The following FSTL4 variants were observed in gnomAD, a reference collection of about 807,000 sequenced individuals.
FSTL4 encodes follistatin-related protein 4.
Under a neutral mutation model 78.2 loss-of-function variants are expected in FSTL4, and 28 were observed. The observed-to-expected ratio is 0.36, with a 90% confidence interval of 0.27 to 0.49. FSTL4 has a LOEUF of 0.49. Ranked by LOEUF, FSTL4 falls within the 20% of genes least tolerant of loss-of-function variation. FSTL4 has a pLI of 0.98. For synonymous variants in FSTL4, 422 were observed against 440.5 expected (o/e 0.96, Z 0.53); for missense variants, 922 against 1,084.9 (o/e 0.85, Z 2.11).
In FSTL4 at chr5:133,464,626, A is replaced by AG. The variant is rs371038070; in HGVS notation, c.161-63641dup. Among the ~76,000 whole-genome samples the AG allele has an allele frequency of 4.7e-3, 709 of 152,186 alleles. 2 individuals carry two copies. The highest frequency in any genetic ancestry group is 6.0e-3 in the Non-Finnish European group (408 of 67,996). On this transcript the variant is annotated intron_variant, in intron 3 of 15. Coordinates refer to ENST00000265342, the MANE Select transcript of FSTL4 (RefSeq NM_015082.2). The stretch of plus-strand genomic sequence containing the variant: ...TCATACTCCTACCTTCCCCCCATGG[A>AG]GGGGAGAGGTGCAGGTCAGCCATGA...
chr5:133,707,722 T>C, the FSTL4 span, among the ~76,000 whole-genome samples: 1 of 151,994 alleles, frequency 6.6e-6, no homozygotes, highest in South Asian at 2.1e-4. Context: ...CTGGTAAAGT[T>C]TGTAAGGCCC....
rs150639310 is a variant in FSTL4, at chr5:133,360,812, C to A, written c.409+39926G>T. Among the ~76,000 whole-genome samples, 1,130 of 152,280 alleles carry A rather than the reference C, an allele frequency of 7.4e-3. 5 individuals are homozygous for A. The highest frequency in any genetic ancestry group is 0.015 in the South Asian group (74 of 4,826). On this transcript the variant is annotated intron_variant, in intron 4 of 15. Coordinates refer to ENST00000265342, the MANE Select transcript of FSTL4 (RefSeq NM_015082.2). ...AAGTTCCAGAGTAATTGAAAAGCCT[C>A]TTCGTCTCTTCTGAGATGGCGCGTC...
intron 15 of FSTL4, among the ~76,000 whole-genome samples, chr5:133,200,247 TTC>T (rs1750277504): frequency 6.6e-6 from 1 of 152,236 alleles, no homozygotes; most frequent in Non-Finnish European, 1.5e-5. Flanking sequence ...CCTTGCTGTT[TTC>T]TAGACTAACT....
the FSTL4 span, among the ~76,000 whole-genome samples, chr5:133,739,302 T>A: frequency 6.7e-6 from 1 of 149,054 alleles, no homozygotes; most frequent in East Asian, 2.0e-4. Flanking sequence ...TTTTTTTTTT[T>A]AACACTAAGT....
chr5:133,466,411 A>G lies in FSTL4; in HGVS notation c.161-65425T>C, dbSNP rs377355879. Among the ~76,000 whole-genome samples the G allele has an allele frequency of 9.3e-3, 1,414 of 152,136 alleles. 12 individuals are homozygous for G. The highest frequency in any genetic ancestry group is 0.03 in the African/African-American group (1,225 of 41,500). ...CAAAAAATTAGCCGGGTGCGGTGGCAGGCGCCTGTAGTCCCAGCTACTCGG... is the reference window on the plus strand; with the variant it reads ...CAAAAAATTAGCCGGGTGCGGTGGCGGGCGCCTGTAGTCCCAGCTACTCGG... On this transcript the variant is annotated intron_variant, in intron 3 of 15. Transcript: ENST00000265342.
chr5:133,624,913 T>C, the FSTL4 span, among the ~76,000 whole-genome samples: 2 of 151,786 alleles, frequency 1.3e-5, no homozygotes, highest in Non-Finnish European at 3.0e-5. Context: ...CTATGTTGAG[T>C]ATGTCTCTTC....
intron 1 of FSTL4, among the ~76,000 whole-genome samples, chr5:133,609,535 G>T (rs1260970465): frequency 6.6e-6 from 1 of 152,198 alleles, no homozygotes; most frequent in South Asian, 2.1e-4. Context: ...AAGTGGTACA[G>T]ATTTCCTAAG....
chr5:133,491,112 T>C (rs1412021743), intron 3 of FSTL4, among the ~76,000 whole-genome samples: 1 of 152,036 alleles, frequency 6.6e-6, no homozygotes, highest in Non-Finnish European at 1.5e-5. Context: ...AAATAAAAAT[T>C]GGAAAGAAAA....
At chr5:133,411,165 CT>C (rs1289405609) in intron 3 of FSTL4, among the ~76,000 whole-genome samples, 1 of 152,178 alleles carries the variant, frequency 6.6e-6, no homozygotes, top group African/African-American at 2.4e-5. Flanking sequence ...CCACCACTGC[CT>C]TAAGGTACTT....
intron 6 of FSTL4, among the ~76,000 whole-genome samples, chr5:133,270,676 G>A (rs1752748954): frequency 6.6e-6 from 1 of 152,204 alleles, no homozygotes; most frequent in Non-Finnish European, 1.5e-5. Context: ...GCAAGAAAGT[G>A]AGGAATGAGA....
the FSTL4 span, among the ~76,000 whole-genome samples, chr5:133,831,694 G>A: frequency 6.6e-6 from 1 of 152,228 alleles, no homozygotes; most frequent in Non-Finnish European, 1.5e-5. Flanking sequence ...ATGAAGATGT[G>A]CCCTCTGGGG....
At chr5:133,386,623 G>C (rs1755706047) in intron 4 of FSTL4, among the ~76,000 whole-genome samples, 1 of 152,152 alleles carries the variant, frequency 6.6e-6, no homozygotes, top group African/African-American at 2.4e-5. Context: ...CTTTAAAATT[G>C]CTAGGAGAAT....
At chr5:133,650,523 G>A in the FSTL4 span, among the ~76,000 whole-genome samples, 3 of 152,144 alleles carry the variant, frequency 2.0e-5, no homozygotes, top group Non-Finnish European at 2.9e-5. Flanking sequence ...GCACATGGAT[G>A]ACCAGTGGTC....
At chr5:133,221,904 T>TGTTTTTG (rs796432581) in intron 11 of FSTL4, among the ~76,000 whole-genome samples, 2 of 106,178 alleles carry the variant, frequency 1.9e-5, no homozygotes, top group South Asian at 5.8e-4. Context: ...TTTTTTTTTT[T>TGTTTTTG]TTTTTTTTTT....
chr5:133,622,899 A>C, the FSTL4 span, among the ~76,000 whole-genome samples: 1 of 152,012 alleles, frequency 6.6e-6, no homozygotes, highest in African/African-American at 2.4e-5. Context: ...AAAAGTTTTT[A>C]ATTTTGATGC....
intron 3 of FSTL4, among the ~76,000 whole-genome samples, chr5:133,469,188 C>A (rs1757768817): frequency 6.6e-6 from 1 of 152,136 alleles, no homozygotes. Context: ...GTTAGAAAGA[C>A]CCCTCAGGAC....
intron 6 of FSTL4, among the ~76,000 whole-genome samples, chr5:133,307,628 T>C (rs1023034044): frequency 6.6e-6 from 1 of 152,144 alleles, no homozygotes; most frequent in Non-Finnish European, 1.5e-5. Context: ...AATGGAACAC[T>C]GACTGTGAAC....
At chr5:133,750,476 A>T in the FSTL4 span, among the ~76,000 whole-genome samples, 21 of 152,116 alleles carry the variant, frequency 1.4e-4, no homozygotes, top group East Asian at 2.7e-3. Context: ...CAGGCCCCCC[A>T]GGGTGTGGCC....
intron 3 of FSTL4, among the ~76,000 whole-genome samples, chr5:133,534,754 G>A (rs909494947): frequency 2.6e-5 from 4 of 151,780 alleles, no homozygotes; most frequent in South Asian, 2.1e-4. Context: ...TCCCTCACAC[G>A]CCCAGCTGTC....
Sources: gnomAD v4.1 joint callset for allele counts (sites outside exome capture counted in the v4.1 genomes callset) on GRCh38, gnomAD v4.1.1 for gene constraint, MANE v1.5 for transcripts, NCBI Gene and HGNC (gene_info 2026-07-23, HGNC 2026-07-21) for gene names.